IGSF21: variants seen among roughly 807,000 people sequenced by gnomAD.
IGSF21 encodes the protein immunoglobin superfamily member 21.
IGSF21 carries 28 observed loss-of-function variants against 46.8 expected under a neutral mutation model. The observed-to-expected ratio is 0.60, with a 90% CI of 0.44 to 0.82. IGSF21 has a LOEUF of 0.82. IGSF21 is among the 40% of genes least tolerant of loss of function. The pLI, the probability that IGSF21 is intolerant of heterozygous loss-of-function variation, is 0.00. For synonymous variants in IGSF21, 284 were observed against 273.6 expected, an observed-to-expected ratio of 1.04 and a Z score of -0.38; for missense variants, 624 against 665.5, an observed-to-expected ratio of 0.94 and a Z score of 0.69.
chr1:18,119,119 T>TCCTTCCTC lies in IGSF21; in HGVS notation c.70+10935_70+10942dup, dbSNP rs902005352. On this transcript the variant is annotated intron_variant, in intron 1 of 9. Transcript: ENST00000251296. Reference sequence around the variant, plus strand: ...GCAAGAACTTACCTATTCCCTTCTTTCCTTCCTCCCTTCCTCCCTTCTTCC... The same window carrying TCCTTCCTC: ...GCAAGAACTTACCTATTCCCTTCTTTCCTTCCTCCCTTCCTCCCTTCCTCCCTTCTTCC... Among the ~76,000 whole-genome samples the TCCTTCCTC allele has an allele frequency of 2.6e-5, 4 of 151,964 alleles. No homozygotes were observed. In the East Asian group the frequency reaches 5.8e-4, roughly 22 times the overall value.
chr1:18,273,331 A>ACGCCCTTTCCTTTCCT (rs111860382), intron 2 of IGSF21, among the ~76,000 whole-genome samples: 3 of 54,144 alleles, frequency 5.5e-5, no homozygotes, highest in Non-Finnish European at 7.5e-5. Context: ...ATGAGCCACC[A>ACGCCCTTTCCTTTCCT]TTCCTTTCCT....
chr1:18,258,549 G>A (rs72932945), intron 2 of IGSF21, among the ~76,000 whole-genome samples: 106 of 152,284 alleles, frequency 7.0e-4, no homozygotes, highest in African/African-American at 2.4e-3. Context: ...GCATGTCTGA[G>A]CCTCAGTTTC....
chr1:18,251,332 C>T (rs886763697), intron 2 of IGSF21, among the ~76,000 whole-genome samples: 3 of 152,136 alleles, frequency 2.0e-5, no homozygotes, highest in African/African-American at 4.8e-5. Flanking sequence ...GGAGAGCCTG[C>T]GTTGTGCCCC....
At chr1:18,375,070 G>A (rs932258774) in intron 6 of IGSF21, among the ~76,000 whole-genome samples, 2 of 152,136 alleles carry the variant, frequency 1.3e-5, no homozygotes, top group Admixed American at 1.3e-4. Context: ...CCTTGGAAGA[G>A]GCACCCTGAC....
At chr1:18,361,612 A>G (rs2086101708) in intron 4 of IGSF21, 1 of 155,354 alleles carries the variant, frequency 6.4e-6, no homozygotes, top group African/African-American at 2.4e-5. Flanking sequence ...TAATCCAGGC[A>G]TGGTGGCACA....
At chr1:18,204,932 C>A (rs940343634) in intron 1 of IGSF21, among the ~76,000 whole-genome samples, 6 of 152,162 alleles carry the variant, frequency 3.9e-5, no homozygotes, top group African/African-American at 1.4e-4. Context: ...GTTCAAAACT[C>A]CCTTTTCGTT....
intron 4 of IGSF21, among the ~76,000 whole-genome samples, chr1:18,356,164 G>A (rs1250294041): frequency 6.6e-6 from 1 of 152,062 alleles, no homozygotes; most frequent in Non-Finnish European, 1.5e-5. Context: ...ATACAATTAC[G>A]ACTACTGTTT....
intron 1 of IGSF21, among the ~76,000 whole-genome samples, chr1:18,179,649 G>A (rs1031662047): frequency 9.9e-5 from 15 of 152,076 alleles, no homozygotes; most frequent in African/African-American, 3.4e-4. Context: ...GGCTGGGGTC[G>A]GGGTGACGGA....
intron 1 of IGSF21, among the ~76,000 whole-genome samples, chr1:18,194,814 A>T (rs2086992024): frequency 6.6e-6 from 1 of 152,218 alleles, no homozygotes; most frequent in Non-Finnish European, 1.5e-5. Flanking sequence ...CTCTGTTCTC[A>T]GACTGCTAAT....
chr1:18,288,605 A>G (rs553221006), intron 2 of IGSF21, among the ~76,000 whole-genome samples: 1 of 152,346 alleles, frequency 6.6e-6, no homozygotes, highest in South Asian at 2.1e-4. Context: ...AGCCTGTACT[A>G]ATAATCCCCA....
chr1:18,118,450 T>G (rs1294193675), intron 1 of IGSF21, among the ~76,000 whole-genome samples: 1 of 152,128 alleles, frequency 6.6e-6, no homozygotes, highest in Non-Finnish European at 1.5e-5. Context: ...ACCGCCCGAG[T>G]GCTCTGGTTT....
At chr1:18,276,772 A>G (rs943424313) in intron 2 of IGSF21, among the ~76,000 whole-genome samples, 1 of 152,130 alleles carries the variant, frequency 6.6e-6, no homozygotes, top group Admixed American at 6.5e-5. Context: ...GGACCTGCAT[A>G]GACTCCCTGT....
intron 1 of IGSF21, chr1:18,114,756 A>G (rs2086174037): frequency 1.3e-5 from 2 of 152,212 alleles, no homozygotes; most frequent in Admixed American, 1.3e-4. Context: ...GCCCAGGAAG[A>G]TGAAAGGATG....
chr1:18,123,030 A>G (rs2355729), intron 1 of IGSF21, among the ~76,000 whole-genome samples: 37,861 of 152,140 alleles, frequency 0.25, 6,017 homozygotes, highest in East Asian at 0.57. Flanking sequence ...TGCTTTGGAA[A>G]ATACCAGTTT....
intron 2 of IGSF21, among the ~76,000 whole-genome samples, chr1:18,269,752 T>C (rs1208788477): frequency 6.6e-6 from 1 of 152,164 alleles, no homozygotes; most frequent in East Asian, 1.9e-4. Flanking sequence ...TTTCTTGCTC[T>C]CCAATGGTGA....
At chr1:18,224,255 T>G (rs1277794508) in intron 1 of IGSF21, among the ~76,000 whole-genome samples, 12 of 152,112 alleles carry the variant, frequency 7.9e-5, no homozygotes, top group Non-Finnish European at 1.8e-4. Context: ...GAAGAAAAAT[T>G]TCCCACTCTG....
intron 1 of IGSF21, among the ~76,000 whole-genome samples, chr1:18,142,779 C>T (rs2086429191): frequency 6.6e-6 from 1 of 152,220 alleles, no homozygotes; most frequent in Non-Finnish European, 1.5e-5. Flanking sequence ...GTTCAGGCCT[C>T]TGCCTGACCC....
At chr1:18,371,164 A>G (rs61324012) in intron 6 of IGSF21, among the ~76,000 whole-genome samples, 4,213 of 152,366 alleles carry the variant, frequency 0.028, 196 homozygotes, top group African/African-American at 0.094. Context: ...CTAAATGTCC[A>G]TAATTAGAAA....
At chr1:18,111,034 T>G (rs548565460) in intron 1 of IGSF21, 3 of 152,348 alleles carry the variant, frequency 2.0e-5, no homozygotes, top group African/African-American at 7.2e-5. Context: ...AGCAGGTGGA[T>G]GGGATGGAGG....
Sources: allele counts gnomAD v4.1 joint callset (sites outside exome capture counted in the v4.1 genomes callset), GRCh38; gene constraint gnomAD v4.1.1; transcripts MANE v1.5; gene names NCBI Gene and HGNC (gene_info 2026-07-23, HGNC 2026-07-21).